The following SON variants were observed in gnomAD, a reference collection of about 807,000 sequenced individuals.
SON encodes protein SON.
In SON, 4 loss-of-function variants were observed where a neutral mutation model predicts 173.3. The observed-to-expected ratio is 0.02, with a 90% confidence interval of 0.01 to 0.05. The LOEUF (loss-of-function observed/expected upper bound fraction) is 0.05. SON is among the 10% of genes least tolerant of loss of function. SON has a pLI of 1.00. For synonymous variants in SON, 1,190 were observed against 1,105.9 expected (o/e 1.08, Z -1.51); for missense variants, 2,626 against 3,055.3 (o/e 0.86, Z 3.31).
Position 33,546,253 on chromosome 21 carries a change from C to A in SON, c.118C>A (p.Pro40Thr). 6.2e-7 allele frequency: 1 copy of A among 1,613,584 alleles called. No individual in the cohort carries two copies. The highest frequency in any genetic ancestry group is 8.5e-7 in the Non-Finnish European group (1 of 1,179,826). ...EGQLNGETNT[P>T]IEGNQAGDAA... ...CCAGCTGAATGGTGAAACAAATACA[C>A]CCATTGAAGGAAACCAGGCGGGTGA... is the stretch of plus-strand genomic sequence containing the variant. Residue 40 changes from proline (P) to threonine (T), a missense_variant, in exon 2 of 12, where the codon CCC becomes ACC. By Grantham distance (38) the Pro-to-Thr change is conservative. Transcript: ENST00000356577.
At position 33,554,942 on chromosome 21, in the gene SON, G is replaced by T; in HGVS notation, c.5711G>T (p.Arg1904Ile). The change falls in exon 3 of 12, where the codon AGA becomes ATA. Residue 1904 changes from arginine (R) to isoleucine (I), a missense_variant. Physicochemically the swap from Arg to Ile is moderately conservative, Grantham distance 97. Around this residue, in one of 13 missense-constraint regions of SON, gnomAD observed 1,006 missense variants for 895.6 expected, o/e 1.12. Coordinates refer to ENST00000356577, the MANE Select transcript of SON (RefSeq NM_138927.4). ...SPKHRSKSRE[R>I]KRKRSSSRDN... The stretch of plus-strand genomic sequence containing the variant: ...AAGCACAGATCCAAGTCTAGGGAAA[G>T]AAAAAGAAAAAGATCAAGCTCCAGG... The T allele has an allele frequency of 6.2e-7, 1 of 1,613,876 alleles. No homozygotes were observed. Among genetic ancestry groups the T allele is most frequent in the Non-Finnish European group, 8.5e-7 (1 of 1,179,968 alleles).
Position 33,554,317 on chromosome 21 carries a change from C to T in SON, c.5086C>T (p.Leu1696Phe), listed in dbSNP as rs555403573. 1 of 1,614,138 alleles carries T rather than the reference C, an allele frequency of 6.2e-7. No individual in the cohort carries two copies. The highest frequency in any genetic ancestry group is 1.1e-5 in the South Asian group (1 of 91,086). The change falls in exon 3 of 12, where the codon CTC (leucine) becomes TTC (phenylalanine). Residue 1696 changes from leucine (L) to phenylalanine (F), a missense_variant. Transcript: ENST00000356577. ...KESDQTLAAL[L>F]SPKESSGGEK... ...GAGTGACCAGACATTAGCAGCTCTG[C>T]TCAGCCCTAAAGAAAGTAGTGGAGG...
chr21:33,563,398 C>A (rs2086106136), intron 6 of SON, among the ~76,000 whole-genome samples: 1 of 151,794 alleles, frequency 6.6e-6, no homozygotes, highest in Admixed American at 6.6e-5. Flanking sequence ...TATGCATTAA[C>A]CTCTTTATAT....
In SON at chr21:33,560,436, A is replaced by G. The variant is rs1162523428; in HGVS notation, c.6657+661A>G. 1.1e-5 allele frequency: 12 copies of G among 1,086,222 alleles called. No homozygotes were observed. The Admixed American group carries it at 5.6e-4, about 51-fold the overall frequency. The allele number at this position is 1,086,222 out of a possible 1,614,324, so 67.3% of individuals were successfully genotyped here. On this transcript the variant is annotated intron_variant, in intron 6 of 11. Coordinates refer to ENST00000356577, the MANE Select transcript of SON (RefSeq NM_138927.4). ...TACTATTAAAAGTCGGAGAAGTGGA[A>G]TTCAAACGTTGAAATTTCCACGGGG...
intron 8 of SON, chr21:33,572,568 T>C: frequency 7.7e-7 from 1 of 1,304,200 alleles, no homozygotes; most frequent in Non-Finnish European, 1.0e-6. Context: ...TCCTTGTAGC[T>C]GTCTTCTTGC....
At chr21:33,564,337 T>C (rs891880119) in intron 6 of SON, among the ~76,000 whole-genome samples, 1 of 152,164 alleles carries the variant, frequency 6.6e-6, no homozygotes, top group African/African-American at 2.4e-5. Context: ...GCAATGCTGC[T>C]CTAAAGGGTA....
At chr21:33,566,682 G>C (rs1233257812) in intron 6 of SON, among the ~76,000 whole-genome samples, 1 of 152,132 alleles carries the variant, frequency 6.6e-6, no homozygotes, top group Non-Finnish European at 1.5e-5. Context: ...ATGAGTAAAG[G>C]AGTGATCATA....
In SON at chr21:33,550,164, G is replaced by C; in HGVS notation, c.933G>C (p.Glu311Asp). The C allele has an allele frequency of 6.2e-7, 1 of 1,614,166 alleles. No homozygotes were observed. The highest frequency in any genetic ancestry group is 8.5e-7 in the Non-Finnish European group (1 of 1,180,028). ...EPSETLVVSS[E>D]TPTEVYPEPS... Reference sequence around the variant, plus strand: ...CAGAAACCCTTGTGGTATCATCAGAGACACCTACTGAGGTGTACCCTGAGC... The same window carrying C: ...CAGAAACCCTTGTGGTATCATCAGACACACCTACTGAGGTGTACCCTGAGC... Residue 311 changes from glutamate to aspartate, a missense_variant, in exon 3 of 12, where the codon GAG becomes GAC. Glu to Asp is a conservative substitution (Grantham distance 45). This residue lies in a region of SON where 757 missense variants were observed against 730.1 expected (regional missense o/e 1.04). Transcript: ENST00000356577.
intron 8 of SON, 118 bp downstream of exon 8, chr21:33,569,205 CTA>C: frequency 1.6e-6 from 1 of 640,050 alleles, no homozygotes; most frequent in Non-Finnish European, 2.8e-6. Flanking sequence ...AGTAAATTTG[CTA>C]TGTGTATATG....
At position 33,553,870 on chromosome 21, in the gene SON, C is replaced by T; in HGVS notation, c.4639C>T (p.His1547Tyr). The T allele has an allele frequency of 6.2e-7, 1 of 1,613,964 alleles. No individual in the cohort carries two copies. Among genetic ancestry groups the T allele is most frequent in the Non-Finnish European group, 8.5e-7 (1 of 1,179,918 alleles). ...NNHLIAKEME[H>Y]NTVCAAGTSP... ...TCATTTAATTGCTAAAGAGATGGAACATAATACAGTGTGTGCTGCTGGTAC... is the reference window on the plus strand; with the variant it reads ...TCATTTAATTGCTAAAGAGATGGAATATAATACAGTGTGTGCTGCTGGTAC... Residue 1547 changes from histidine to tyrosine, a missense_variant, in exon 3 of 12, where the codon CAT becomes TAT. This residue lies in a region of SON where 1,006 missense variants were observed against 895.6 expected (regional missense o/e 1.12). Transcript: ENST00000356577.
chr21:33,569,328 C>T (rs950208255), intron 8 of SON: 1 of 441,376 alleles, frequency 2.3e-6, no homozygotes, highest in Non-Finnish European at 4.2e-6. Context: ...GTTACTGCTG[C>T]TTTTGAAGGG....
At chr21:33,567,918 C>T (rs901454519) in intron 7 of SON, among the ~76,000 whole-genome samples, 1 of 151,490 alleles carries the variant, frequency 6.6e-6, no homozygotes, top group Non-Finnish European at 1.5e-5. Flanking sequence ...CTAAAAAAAA[C>T]AAAAGAGTGA....
chr21:33,551,656 A>C lies in SON; in HGVS notation c.2425A>C (p.Ser809Arg), dbSNP rs780807491. 4.3e-6 allele frequency: 7 copies of C among 1,612,152 alleles called. No homozygotes were observed. The South Asian group carries it at 7.7e-5, about 18-fold the overall frequency. Residue 809 changes from serine to arginine, a missense_variant, in exon 3 of 12, where the codon AGC becomes CGC. Ser to Arg is a moderately radical substitution (Grantham distance 110). Around this residue, in one of 13 missense-constraint regions of SON, gnomAD observed 38 missense variants for 92.1 expected, o/e 0.41. Transcript: ENST00000356577. ...SSMDSQMLAT[S>R]SMDSQMLATS... The stretch of plus-strand genomic sequence containing the variant: ...CATGGACTCCCAGATGTTAGCAACC[A>C]GCTCCATGGACTCCCAGATGTTAGC...
chr21:33,563,449 C>G (rs111852399), intron 6 of SON, among the ~76,000 whole-genome samples: 32,609 of 151,604 alleles, frequency 0.22, 4,301 homozygotes, highest in Non-Finnish European at 0.28. Flanking sequence ...GTTTTATATA[C>G]AGGCCAGATG....
At position 33,553,306 on chromosome 21, in the gene SON, G is replaced by C; in HGVS notation, c.4075G>C (p.Val1359Leu). 1.3e-6 allele frequency: 2 copies of C among 1,583,336 alleles called. No individual in the cohort carries two copies. Among genetic ancestry groups the C allele is most frequent in the Non-Finnish European group, 1.7e-6 (2 of 1,155,438 alleles). ...TGCCCCAGAGTCTTCAGCTATGGCT[G>C]TCCTGGAGTCTTCGGCTGTGACCGT... ...MAAPESSAMA[V>L]LESSAVTVLE... Residue 1359 changes from valine (V) to leucine (L), a missense_variant, in exon 3 of 12, where the codon GTC becomes CTC. By Grantham distance (32) the Val-to-Leu change is conservative (BLOSUM62 1). Coordinates refer to ENST00000356577, the MANE Select transcript of SON (RefSeq NM_138927.4).
chr21:33,555,129 C>T lies in SON; in HGVS notation c.5898C>T (p.Thr1966=), dbSNP rs749709086. 2 of 1,483,978 alleles carry T rather than the reference C, an allele frequency of 1.3e-6. No individual in the cohort carries two copies. The highest frequency in any genetic ancestry group is 2.9e-5 in the African/African-American group (2 of 68,986). The allele number at this position is 1,483,978 out of a possible 1,614,324, so 91.9% of individuals were successfully genotyped here. A position where few individuals can be genotyped will look rare whatever the true frequency, so the allele number is the denominator to read the frequency against. Residue 1966 remains threonine (T), a synonymous_variant, in exon 3 of 12, where the codon ACC becomes ACT. Transcript: ENST00000356577. The part of the protein sequence containing the change: ...RSRTPSRRSR[T]PSRRSRTPSR... Reference sequence around the variant, plus strand: ...GCACCCCCAGCCGCCGCAGCCGCACCCCCAGCCGCCGCAGCCGCACCCCCA... The same window carrying T: ...GCACCCCCAGCCGCCGCAGCCGCACTCCCAGCCGCCGCAGCCGCACCCCCA...
intron 6 of SON, among the ~76,000 whole-genome samples, chr21:33,561,845 C>T (rs976611691): frequency 2.6e-5 from 4 of 152,040 alleles, no homozygotes; most frequent in Non-Finnish European, 5.9e-5. Flanking sequence ...AATTTTTTTT[C>T]TTACCAAAGA....
At position 33,554,063 on chromosome 21, in the gene SON, G is replaced by T. The variant is rs374928342; in HGVS notation, c.4832G>T (p.Gly1611Val). The change falls in exon 3 of 12, where the codon GGT (glycine) becomes GTT (valine). Residue 1611 changes from glycine (G) to valine (V), a missense_variant. Transcript: ENST00000356577. The stretch of plus-strand genomic sequence containing the variant: ...CCTGATGCAACAGGAACTAGTAAGG[G>T]TATTGAATTTACCACAGCATCTACT... ...LEPDATGTSK[G>V]IEFTTASTLS... 14 of 1,613,972 alleles carry T rather than the reference G, an allele frequency of 8.7e-6. No individual in the cohort carries two copies. The East Asian group carries it at 2.7e-4, about 31-fold the overall frequency.
intron 6 of SON, chr21:33,560,725 T>G: frequency 3.9e-6 from 2 of 506,996 alleles, no homozygotes; most frequent in Non-Finnish European, 5.1e-6. Flanking sequence ...AATAGGGGGG[T>G]GGGAGTTTTA....
Sources: gnomAD v4.1 joint callset for allele counts (sites outside exome capture counted in the v4.1 genomes callset) on GRCh38, gnomAD v4.1.1 for gene constraint, gnomAD v4.1.1 regional missense constraint, MANE v1.5 for transcripts, NCBI Gene and HGNC (gene_info 2026-07-23, HGNC 2026-07-21) for gene names.